Variants in ADGRL3 observed in about 807,000 individuals in gnomAD.
ADGRL3 encodes adhesion G protein-coupled receptor L3, also known as calcium-independent alpha-latrotoxin receptor 3.
ADGRL3 carries 62 observed loss-of-function variants against 153.5 expected under a neutral mutation model. The ratio of observed to expected loss-of-function variants is 0.40; its 90% CI spans 0.33 to 0.50. The LOEUF is 0.50. ADGRL3 is among the 20% of genes least tolerant of loss of function. The pLI is 0.47. For missense variants in ADGRL3, 1,641 were observed against 1,859.4 expected, an observed-to-expected ratio of 0.88 and a Z score of 2.16; for synonymous variants, 710 against 672.5, an observed-to-expected ratio of 1.06 and a Z score of -0.86.
At chr4:61,425,756 T>C (rs1443872035) in intron 2 of ADGRL3, among the ~76,000 whole-genome samples, 1 of 152,146 alleles carries the variant, frequency 6.6e-6, no homozygotes, top group Non-Finnish European at 1.5e-5. Flanking sequence ...CTATGAACAG[T>C]CATTCACGGA....
At chr4:61,556,967 CA>C (rs2098770113) in intron 4 of ADGRL3, among the ~76,000 whole-genome samples, 1 of 152,122 alleles carries the variant, frequency 6.6e-6, no homozygotes, top group Non-Finnish European at 1.5e-5. Flanking sequence ...CTCTTCAGCA[CA>C]AGAATGTCTG....
chr4:61,867,907 C>T (rs1053735045), intron 9 of ADGRL3, among the ~76,000 whole-genome samples: 1 of 151,880 alleles, frequency 6.6e-6, no homozygotes, highest in Non-Finnish European at 1.5e-5. Flanking sequence ...GAGATATAGT[C>T]CCCTAAGTGG....
At chr4:62,043,771 A>T (rs1729649484) in intron 24 of ADGRL3, among the ~76,000 whole-genome samples, 1 of 152,058 alleles carries the variant, frequency 6.6e-6, no homozygotes, top group Admixed American at 6.6e-5. Context: ...ATAATATCTG[A>T]CCCTTAGAAA....
chr4:61,632,073 C>G (rs1472243942), intron 5 of ADGRL3, among the ~76,000 whole-genome samples: 1 of 152,138 alleles, frequency 6.6e-6, no homozygotes, highest in African/African-American at 2.4e-5. Context: ...CTCACCAAGT[C>G]AAAGATAATT....
chr4:61,414,585 CTGAT>C (rs2097125791), intron 2 of ADGRL3, among the ~76,000 whole-genome samples: 1 of 151,698 alleles, frequency 6.6e-6, no homozygotes, highest in Non-Finnish European at 1.5e-5. Context: ...TTTGCTTACT[CTGAT>C]TGGTTATTGG....
chr4:61,438,612 G>A (rs1016062803), intron 2 of ADGRL3, among the ~76,000 whole-genome samples: 1 of 151,800 alleles, frequency 6.6e-6, no homozygotes, highest in Non-Finnish European at 1.5e-5. Flanking sequence ...CCTGGCATTC[G>A]TATAGTGCCT....
intron 1 of ADGRL3, among the ~76,000 whole-genome samples, chr4:61,271,234 A>G (rs1201596429): frequency 1.3e-5 from 2 of 151,884 alleles, no homozygotes; most frequent in African/African-American, 4.8e-5. Flanking sequence ...GTTGTATAGC[A>G]TTGAATGTCT....
intron 2 of ADGRL3, among the ~76,000 whole-genome samples, chr4:61,483,802 A>G (rs2098159261): frequency 6.6e-6 from 1 of 151,496 alleles, no homozygotes; most frequent in African/African-American, 2.4e-5. Context: ...ACATGAATGA[A>G]GTCATAATTA....
At chr4:61,484,222 G>T (rs2098165000) in intron 2 of ADGRL3, among the ~76,000 whole-genome samples, 1 of 152,098 alleles carries the variant, frequency 6.6e-6, no homozygotes. Context: ...TAAGTGAGAT[G>T]AATGGAACAA....
At chr4:61,645,177 A>G (rs1432623512) in intron 5 of ADGRL3, among the ~76,000 whole-genome samples, 1 of 152,082 alleles carries the variant, frequency 6.6e-6, no homozygotes, top group African/African-American at 2.4e-5. Flanking sequence ...GCCTATGTGT[A>G]TCTCTGCACA....
chr4:61,685,632 G>A (rs550820516), intron 6 of ADGRL3, among the ~76,000 whole-genome samples: 4 of 152,056 alleles, frequency 2.6e-5, no homozygotes, highest in East Asian at 1.9e-4. Context: ...GCCTGTTCTC[G>A]TAAGTGGTAG....
intron 1 of ADGRL3, among the ~76,000 whole-genome samples, chr4:61,331,856 T>C (rs1204565898): frequency 1.3e-5 from 2 of 152,030 alleles, no homozygotes; most frequent in Non-Finnish European, 2.9e-5. Context: ...TTTAAATCAG[T>C]CTCTTATTTC....
intron 1 of ADGRL3, among the ~76,000 whole-genome samples, chr4:61,211,206 G>A (rs902634973): frequency 5.9e-5 from 9 of 152,094 alleles, no homozygotes; most frequent in Non-Finnish European, 1.3e-4. Context: ...TAATTTATTG[G>A]GAAGTTATTG....
chr4:61,711,131 G>T (rs2095972134), intron 6 of ADGRL3, among the ~76,000 whole-genome samples: 1 of 152,012 alleles, frequency 6.6e-6, no homozygotes. Flanking sequence ...AAGATATCAA[G>T]ATCTAATTGG....
At chr4:61,474,728 A>C (rs1476468433) in intron 2 of ADGRL3, among the ~76,000 whole-genome samples, 2 of 152,138 alleles carry the variant, frequency 1.3e-5, no homozygotes, top group East Asian at 3.9e-4. Context: ...CTTTACAAGA[A>C]GAAAAGGCAC....
intron 9 of ADGRL3, among the ~76,000 whole-genome samples, chr4:61,874,461 A>G (rs1051813624): frequency 4.6e-5 from 7 of 152,130 alleles, no homozygotes; most frequent in Non-Finnish European, 7.4e-5. Flanking sequence ...TTATTCTATA[A>G]GATATAAGCA....
chr4:61,439,652 T>C (rs1295290095), intron 2 of ADGRL3, among the ~76,000 whole-genome samples: 1 of 152,026 alleles, frequency 6.6e-6, no homozygotes, highest in African/African-American at 2.4e-5. Context: ...CCCCTCCCTA[T>C]ATCCATGTGT....
At chr4:61,527,954 C>T (rs1391489801) in intron 4 of ADGRL3, among the ~76,000 whole-genome samples, 1 of 152,110 alleles carries the variant, frequency 6.6e-6, no homozygotes, top group Non-Finnish European at 1.5e-5. Context: ...TCTCTCACCA[C>T]CATGCCCTTT....
At chr4:61,427,933 C>T (rs1008994190) in intron 2 of ADGRL3, 2 of 152,774 alleles carry the variant, frequency 1.3e-5, no homozygotes, top group African/African-American at 4.8e-5. Context: ...AGTGCTTCAG[C>T]GCCTTCTCCA....
Sources: gnomAD v4.1 joint callset for allele counts (sites outside exome capture counted in the v4.1 genomes callset) on GRCh38, gnomAD v4.1.1 for gene constraint, MANE v1.5 for transcripts, NCBI Gene and HGNC (gene_info 2026-07-23, HGNC 2026-07-21) for gene names.